Variants in MCTP2 observed in about 807,000 individuals in gnomAD.
The protein encoded by MCTP2 is multiple C2 and transmembrane domain containing 2.
A neutral mutation model predicts 111.6 loss-of-function variants in MCTP2; 132 were observed. The observed-to-expected ratio is 1.18, with a 90% CI of 1.03 to 1.37. MCTP2 has a LOEUF of 1.37. MCTP2 is among the 40% of genes most tolerant of loss of function. The pLI, the probability that MCTP2 is intolerant of heterozygous loss-of-function variation, is 0.00. For synonymous variants in MCTP2, 395 were observed against 387.7 expected, an observed-to-expected ratio of 1.02 and a Z score of -0.22; for missense variants, 1,183 against 1,067.9, an observed-to-expected ratio of 1.11 and a Z score of -1.50.
chr15:94,413,791 A>C (rs914641945), intron 17 of MCTP2, among the ~76,000 whole-genome samples: 6 of 152,210 alleles, frequency 3.9e-5, no homozygotes, highest in Admixed American at 6.5e-5. Flanking sequence ...GAATATGATA[A>C]CATTTTTTCA....
At chr15:94,260,789 C>T (rs1296077690) in intron 1 of MCTP2, among the ~76,000 whole-genome samples, 1 of 152,182 alleles carries the variant, frequency 6.6e-6, no homozygotes, top group African/African-American at 2.4e-5. Context: ...CAGCCAACGG[C>T]ATTCCAACGT....
intron 4 of MCTP2, among the ~76,000 whole-genome samples, chr15:94,320,141 CTTTTT>C (rs71135503): frequency 2.5e-5 from 3 of 117,964 alleles, no homozygotes; most frequent in Non-Finnish European, 3.6e-5. Context: ...GTTTATTAAT[CTTTTT>C]TTTTTTTTTT....
At chr15:94,323,101 C>T (rs1007705133) in intron 4 of MCTP2, among the ~76,000 whole-genome samples, 23 of 152,238 alleles carry the variant, frequency 1.5e-4, no homozygotes, top group African/African-American at 5.1e-4. Context: ...GTATGTTAAG[C>T]AGGTTATCAA....
At chr15:94,446,918 T>C (rs1341762100) in intron 19 of MCTP2, among the ~76,000 whole-genome samples, 1 of 152,226 alleles carries the variant, frequency 6.6e-6, no homozygotes, top group Non-Finnish European at 1.5e-5. Context: ...ATGGACATTT[T>C]CCTTTAAGAA....
chr15:94,244,302 A>T (rs554240718), intron 1 of MCTP2, among the ~76,000 whole-genome samples: 2 of 148,500 alleles, frequency 1.3e-5, no homozygotes, highest in African/African-American at 2.5e-5. Context: ...ATGTGTATAT[A>T]TTTATATACA....
chr15:94,451,299 A>G (rs183804720), intron 19 of MCTP2, among the ~76,000 whole-genome samples: 8 of 152,318 alleles, frequency 5.3e-5, no homozygotes, highest in African/African-American at 1.9e-4. Context: ...TAAAAAAAAC[A>G]AGGAAACCTT....
At chr15:94,304,870 CT>C (rs1284608058) in intron 2 of MCTP2, among the ~76,000 whole-genome samples, 2 of 152,188 alleles carry the variant, frequency 1.3e-5, no homozygotes, top group African/African-American at 4.8e-5. Context: ...CAAGTCCAAA[CT>C]TTTATTGAGG....
At chr15:94,370,839 C>T (rs1266178413) in intron 12 of MCTP2, among the ~76,000 whole-genome samples, 1 of 152,126 alleles carries the variant, frequency 6.6e-6, no homozygotes, top group Non-Finnish European at 1.5e-5. Context: ...AATTTAGCCG[C>T]CTACATGACA....
chr15:94,262,168 ATTGTT>A (rs980121004), intron 1 of MCTP2, among the ~76,000 whole-genome samples: 4 of 152,160 alleles, frequency 2.6e-5, no homozygotes, highest in African/African-American at 7.2e-5. Flanking sequence ...AAACTATTTT[ATTGTT>A]TTAAGTACCA....
intron 8 of MCTP2, among the ~76,000 whole-genome samples, chr15:94,349,344 G>T (rs1239178591): frequency 6.6e-6 from 1 of 152,136 alleles, no homozygotes; most frequent in Non-Finnish European, 1.5e-5. Context: ...GTTTGACTCA[G>T]TTTGCCCCAA....
intron 1 of MCTP2, among the ~76,000 whole-genome samples, chr15:94,277,050 G>C (rs1019946237): frequency 6.6e-6 from 1 of 151,482 alleles, no homozygotes; most frequent in African/African-American, 2.4e-5. Context: ...TAGATAATTA[G>C]AGTTTACAGA....
At chr15:94,297,839 T>TGAA (rs1268754410) in intron 1 of MCTP2, among the ~76,000 whole-genome samples, 1 of 152,174 alleles carries the variant, frequency 6.6e-6, no homozygotes, top group Non-Finnish European at 1.5e-5. Flanking sequence ...TTGATCATAC[T>TGAA]GAAGAACAGC....
At position 94,345,148 on chromosome 15, in the gene MCTP2, G is replaced by C; in HGVS notation, c.989G>C (p.Arg330Pro). The C allele has an allele frequency of 6.2e-7, 1 of 1,612,564 alleles. No homozygotes were observed. The highest frequency in any genetic ancestry group is 1.1e-5 in the South Asian group (1 of 90,980). ...FKRHRWSNRK[R>P]LSASKSSLIR... Reference sequence around the variant, plus strand: ...CTTTAGCGTTGGTCAAATCGGAAGCGATTAAGTGCCAGCAAGGTAAATATA... The same window carrying C: ...CTTTAGCGTTGGTCAAATCGGAAGCCATTAAGTGCCAGCAAGGTAAATATA... The change falls in exon 8 of 23, where the codon CGA (arginine) becomes CCA (proline). Residue 330 changes from arginine to proline, a missense_variant. Physicochemically the swap from Arg to Pro is moderately radical, Grantham distance 103 (BLOSUM62 -2). Transcript: ENST00000357742.
chr15:94,251,114 G>T (rs1489336931), intron 1 of MCTP2, among the ~76,000 whole-genome samples: 6 of 152,178 alleles, frequency 3.9e-5, no homozygotes, highest in Non-Finnish European at 8.8e-5. Context: ...TGAAAGATCT[G>T]AGTGTGAGGC....
At chr15:94,341,027 A>C (rs1485782202) in intron 7 of MCTP2, 103 bp downstream of exon 7, 2 of 752,744 alleles carry the variant, frequency 2.7e-6, no homozygotes, top group East Asian at 2.7e-5. Flanking sequence ...ATGTTTTTGC[A>C]ATTATTTTAG....
At chr15:94,383,920 C>G (rs926433102) in intron 12 of MCTP2, 102 bp from the exon 13 acceptor site, 26 of 820,340 alleles carry the variant, frequency 3.2e-5, no homozygotes, top group Non-Finnish European at 5.1e-5. Context: ...GTCTTGCCTT[C>G]CCTCTTTCAG....
At chr15:94,455,071 C>T (rs2084730453) in intron 19 of MCTP2, among the ~76,000 whole-genome samples, 1 of 152,248 alleles carries the variant, frequency 6.6e-6, no homozygotes, top group Non-Finnish European at 1.5e-5. Context: ...ATCTGCCCGC[C>T]ATGGCCTCCC....
chr15:94,255,630 G>A (rs2072714680), intron 1 of MCTP2, among the ~76,000 whole-genome samples: 1 of 152,144 alleles, frequency 6.6e-6, no homozygotes, highest in Admixed American at 6.5e-5. Context: ...TGGGATATTT[G>A]GTAGGAGAGA....
At chr15:94,361,085 T>G (rs12900423) in intron 10 of MCTP2, among the ~76,000 whole-genome samples, 1 of 21,896 alleles carries the variant, frequency 4.6e-5, no homozygotes, top group East Asian at 8.8e-4. Flanking sequence ...ATATTTCAAG[T>G]TTTTTTTTTT....
Sources: allele counts gnomAD v4.1 joint callset (sites outside exome capture counted in the v4.1 genomes callset), GRCh38; gene constraint gnomAD v4.1.1; transcripts MANE v1.5; gene names NCBI Gene and HGNC (gene_info 2026-07-23, HGNC 2026-07-21).